RNGTT: variants seen among roughly 807,000 people sequenced by gnomAD.
The protein encoded by RNGTT is mRNA-capping enzyme.
Under a neutral mutation model 79.3 loss-of-function variants are expected in RNGTT, and 33 were observed. That is an observed-to-expected ratio of 0.42 (90% CI 0.32 to 0.56). The LOEUF is 0.56. RNGTT is among the 20% of genes least tolerant of loss of function. RNGTT has a pLI of 0.17. For missense variants in RNGTT, 497 were observed against 739.1 expected, an observed-to-expected ratio of 0.67 and a Z score of 3.80; for synonymous variants, 222 against 235.9, an observed-to-expected ratio of 0.94 and a Z score of 0.54.
In RNGTT at chr6:88,614,415, A is replaced by C. The variant is rs1415928581; in HGVS notation, c.1507-20T>G. 6.2e-7 allele frequency: 1 copy of C among 1,610,670 alleles called. No individual in the cohort carries two copies. Among genetic ancestry groups the C allele is most frequent in the South Asian group, 1.1e-5 (1 of 90,826 alleles). On this transcript the variant is annotated intron_variant, in intron 14 of 15. Transcript: ENST00000369485. Reference sequence around the variant, plus strand: ...TGTCACCTGTTTTGAAAGAGAATTGAGGAAAATATTTAAATAACTTGAAAG... The same window carrying C: ...TGTCACCTGTTTTGAAAGAGAATTGCGGAAAATATTTAAATAACTTGAAAG...
intron 11 of RNGTT, among the ~76,000 whole-genome samples, chr6:88,809,648 A>G (rs1780071430): frequency 6.6e-6 from 1 of 152,248 alleles, no homozygotes; most frequent in African/African-American, 2.4e-5. Context: ...GGGAAATTTT[A>G]AAGTATTTTA....
intron 13 of RNGTT, among the ~76,000 whole-genome samples, chr6:88,683,776 A>T (rs1582325509): frequency 6.6e-6 from 1 of 152,326 alleles, no homozygotes; most frequent in East Asian, 1.9e-4. Context: ...GCACTCTGAG[A>T]GGACAAGGTT....
chr6:88,625,316 C>G (rs1772586613), intron 14 of RNGTT, among the ~76,000 whole-genome samples: 1 of 151,894 alleles, frequency 6.6e-6, no homozygotes, highest in Admixed American at 6.6e-5. Flanking sequence ...CCATCCAAAA[C>G]TGGGAATAAC....
intron 6 of RNGTT, among the ~76,000 whole-genome samples, chr6:88,897,230 T>A (rs530520672): frequency 6.6e-6 from 1 of 152,284 alleles, no homozygotes; most frequent in South Asian, 2.1e-4. Context: ...CCCCTTACCC[T>A]CTTGTTCTTC....
intron 12 of RNGTT, among the ~76,000 whole-genome samples, chr6:88,799,700 C>CAAAAAAAAA (rs36033019): frequency 4.3e-5 from 2 of 46,236 alleles, no homozygotes; most frequent in African/African-American, 1.7e-4. Flanking sequence ...AACTCCATCT[C>CAAAAAAAAA]AAAAAAAAAA....
chr6:88,676,415 C>T (rs901746727), intron 14 of RNGTT, among the ~76,000 whole-genome samples: 2 of 151,880 alleles, frequency 1.3e-5, no homozygotes, highest in African/African-American at 4.8e-5. Flanking sequence ...CCATACTTGA[C>T]TCTTCTATAA....
intron 1 of RNGTT, among the ~76,000 whole-genome samples, chr6:88,960,203 T>TA (rs1021291284): frequency 5.9e-5 from 9 of 152,232 alleles, no homozygotes; most frequent in Admixed American, 5.9e-4. Flanking sequence ...AAGGGTAATA[T>TA]ATCTTAGCCA....
At chr6:88,699,205 A>G (rs1775861598) in intron 13 of RNGTT, among the ~76,000 whole-genome samples, 1 of 152,216 alleles carries the variant, frequency 6.6e-6, no homozygotes, top group South Asian at 2.1e-4. Flanking sequence ...AAGTAGTCAT[A>G]TAATACTCTC....
At chr6:88,874,480 A>T (rs1305795202) in intron 8 of RNGTT, among the ~76,000 whole-genome samples, 1 of 152,188 alleles carries the variant, frequency 6.6e-6, no homozygotes, top group African/African-American at 2.4e-5. Flanking sequence ...TTTTGTATAA[A>T]GCATGCATTC....
chr6:88,912,117 A>G (rs1235367786), intron 4 of RNGTT, among the ~76,000 whole-genome samples: 2 of 151,768 alleles, frequency 1.3e-5, no homozygotes, highest in African/African-American at 4.8e-5. Context: ...AAGAAGACAG[A>G]AAGGCCTGGG....
At chr6:88,735,579 A>AAAAG (rs1290023806) in intron 13 of RNGTT, among the ~76,000 whole-genome samples, 1 of 151,450 alleles carries the variant, frequency 6.6e-6, no homozygotes, top group Non-Finnish European at 1.5e-5. Flanking sequence ...AAAAAAAAAA[A>AAAAG]AAAGAAAGAA....
chr6:88,842,240 A>G (rs1781316749), intron 11 of RNGTT, among the ~76,000 whole-genome samples: 1 of 152,220 alleles, frequency 6.6e-6, no homozygotes, highest in African/African-American at 2.4e-5. Flanking sequence ...TTATATACAA[A>G]GAAATAAGAA....
intron 13 of RNGTT, among the ~76,000 whole-genome samples, chr6:88,744,531 A>T (rs761374064): frequency 6.6e-6 from 1 of 152,194 alleles, no homozygotes; most frequent in Non-Finnish European, 1.5e-5. Context: ...AAGTGCTGGT[A>T]TAACAGGCAT....
intron 11 of RNGTT, among the ~76,000 whole-genome samples, chr6:88,804,438 T>C (rs912173206): frequency 6.6e-6 from 1 of 151,890 alleles, no homozygotes; most frequent in Admixed American, 6.6e-5. Context: ...AGGCCAGGAG[T>C]TCAAGACCAA....
At chr6:88,890,661 C>G (rs1385615649) in intron 7 of RNGTT, 65 bp from the exon 8 acceptor site, 1 of 1,024,414 alleles carries the variant, frequency 9.8e-7, no homozygotes, top group African/African-American at 1.6e-5. Context: ...ATGTCTTAAA[C>G]CAATCTCAAA....
intron 8 of RNGTT, among the ~76,000 whole-genome samples, chr6:88,858,508 T>C (rs1781909454): frequency 6.6e-6 from 1 of 151,824 alleles, no homozygotes; most frequent in Non-Finnish European, 1.5e-5. Context: ...CATGCATAGC[T>C]GATAATAACA....
At chr6:88,671,969 G>T (rs547599211) in intron 14 of RNGTT, among the ~76,000 whole-genome samples, 2 of 152,120 alleles carry the variant, frequency 1.3e-5, no homozygotes, top group East Asian at 3.9e-4. Flanking sequence ...ACTCAAGACA[G>T]ATTAAAGACT....
intron 2 of RNGTT, among the ~76,000 whole-genome samples, chr6:88,940,118 T>A (rs543887509): frequency 6.6e-6 from 1 of 150,704 alleles, no homozygotes; most frequent in East Asian, 2.0e-4. Context: ...CTCTGTTGCC[T>A]GGGTTGGAGT....
chr6:88,632,323 C>A (rs190909306), intron 14 of RNGTT, among the ~76,000 whole-genome samples: 24 of 152,244 alleles, frequency 1.6e-4, no homozygotes, highest in Middle Eastern at 3.4e-3. Context: ...TTATCCAAAG[C>A]ATATGCCTCT....
Sources: gnomAD v4.1 joint callset for allele counts (sites outside exome capture counted in the v4.1 genomes callset) on GRCh38, gnomAD v4.1.1 for gene constraint, MANE v1.5 for transcripts, NCBI Gene and HGNC (gene_info 2026-07-23, HGNC 2026-07-21) for gene names.